PAK2: variants seen among roughly 807,000 people sequenced by gnomAD.
The protein encoded by PAK2 is p21 (RAC1) activated kinase 2, also known as serine/threonine-protein kinase PAK 2.
Under a neutral mutation model 65.9 loss-of-function variants are expected in PAK2, and 21 were observed. The ratio of observed to expected loss-of-function variants is 0.32; its 90% CI spans 0.23 to 0.46. PAK2 has a LOEUF of 0.46. PAK2 is among the 20% of genes least tolerant of loss of function. PAK2 has a pLI of 1.00. For missense variants in PAK2, 324 were observed against 642.6 expected, an observed-to-expected ratio of 0.50 and a Z score of 5.36; for synonymous variants, 204 against 219.7, an observed-to-expected ratio of 0.93 and a Z score of 0.63.
chr3:196,761,828 G>A (rs1713980096), intron 1 of PAK2, among the ~76,000 whole-genome samples: 1 of 96,288 alleles, frequency 1.0e-5, no homozygotes, highest in African/African-American at 4.1e-5. Flanking sequence ...TGGCCGGGCG[G>A]GGGGCTGACC....
At chr3:196,758,484 A>C (rs920008896) in intron 1 of PAK2, among the ~76,000 whole-genome samples, 5 of 152,244 alleles carry the variant, frequency 3.3e-5, no homozygotes, top group African/African-American at 1.2e-4. Flanking sequence ...CAATTAAAGA[A>C]ACAGTAAGAA....
chr3:196,817,156 ATTTTTTTTTTTTTT>A (rs11314877), intron 11 of PAK2, among the ~76,000 whole-genome samples: 4 of 84,766 alleles, frequency 4.7e-5, no homozygotes, highest in Admixed American at 1.5e-4. Flanking sequence ...GAAAGAGGCA[ATTTTTTTTTTTTTT>A]TTTTTTTTTT....
At chr3:196,751,737 ATTTCTTTT>A (rs1439139523) in intron 1 of PAK2, among the ~76,000 whole-genome samples, 1 of 95,584 alleles carries the variant, frequency 1.0e-5, no homozygotes. Flanking sequence ...ACACAAATGA[ATTTCTTTT>A]TTTTTTTTTT....
intron 1 of PAK2, among the ~76,000 whole-genome samples, chr3:196,781,963 G>A (rs966981125): frequency 6.6e-6 from 1 of 152,118 alleles, no homozygotes; most frequent in Non-Finnish European, 1.5e-5. Context: ...AAAATTAGCC[G>A]AAAGTGGTGG....
chr3:196,778,225 T>C (rs914838575), intron 1 of PAK2, among the ~76,000 whole-genome samples: 8 of 152,220 alleles, frequency 5.3e-5, no homozygotes, highest in Non-Finnish European at 2.9e-5. Context: ...CGTGTATCGG[T>C]ACTTCTTTTT....
chr3:196,782,349 T>A lies in PAK2; in HGVS notation c.-21-277T>A, dbSNP rs73074649. Among the ~76,000 whole-genome samples, 608 of 152,192 alleles carry A rather than the reference T, an allele frequency of 4.0e-3. 3 individuals are homozygous for A. Among genetic ancestry groups the A allele is most frequent in the African/African-American group, 0.014 (572 of 41,536 alleles). On this transcript the variant is annotated intron_variant, in intron 1 of 14. Transcript: ENST00000327134. ...TGTCTGTCTTTCTATTGAGAAGGTC[T>A]CTTAGAATCCATTGATTAGACCAGT...
chr3:196,775,079 C>G (rs547660561), intron 1 of PAK2, among the ~76,000 whole-genome samples: 1 of 152,246 alleles, frequency 6.6e-6, no homozygotes, highest in South Asian at 2.1e-4. Context: ...TTATTGAGAT[C>G]TAGTCACTCG....
intron 13 of PAK2, among the ~76,000 whole-genome samples, chr3:196,826,609 T>G (rs1711885040): frequency 6.6e-6 from 1 of 152,112 alleles, no homozygotes; most frequent in Non-Finnish European, 1.5e-5. Context: ...TTTTTAATTA[T>G]TAACATTGTT....
chr3:196,782,852 T>C lies in PAK2; in HGVS notation c.187+19T>C. ...GAGAAAGGTAAATAGCGCTTCTGGC[T>C]TTCAGAGTCTCAGCATTGGTTTATT... On this transcript the variant is annotated intron_variant, in intron 2 of 14. Transcript: ENST00000327134. 1 of 1,546,434 alleles carries C rather than the reference T, an allele frequency of 6.5e-7. No homozygotes were observed. The highest frequency in any genetic ancestry group is 8.9e-7 in the Non-Finnish European group (1 of 1,127,974).
At chr3:196,747,817 C>G (rs1466914162) in intron 1 of PAK2, among the ~76,000 whole-genome samples, 1 of 152,100 alleles carries the variant, frequency 6.6e-6, no homozygotes, top group Non-Finnish European at 1.5e-5. Context: ...TAAAAATCTT[C>G]CTAATCTGCC....
chr3:196,808,385 ACC>A (rs1715656505), intron 7 of PAK2, among the ~76,000 whole-genome samples: 1 of 150,688 alleles, frequency 6.6e-6, no homozygotes, highest in Non-Finnish European at 1.5e-5. Flanking sequence ...GTATGGTGAA[ACC>A]CCTCCTCTAC....
rs1457416595 is a variant in PAK2, at chr3:196,782,691, T to C, written c.45T>C (p.Pro15=). The C allele has an allele frequency of 1.2e-6, 2 of 1,611,630 alleles. No homozygotes were observed. Among genetic ancestry groups the C allele is most frequent in the Non-Finnish European group, 1.7e-6 (2 of 1,178,156 alleles). ...TGGAAGATAAGCCTCCAGCACCTCC[T>C]GTGCGAATGAGCAGCACCATCTTTA... The part of the protein sequence containing the change: ...GELEDKPPAP[P]VRMSSTIFST... Residue 15 remains proline, a synonymous_variant, in exon 2 of 15, where the codon CCT becomes CCC. Coordinates refer to ENST00000327134, the MANE Select transcript of PAK2 (RefSeq NM_002577.4).
intron 2 of PAK2, among the ~76,000 whole-genome samples, chr3:196,786,268 T>C (rs1039912058): frequency 6.6e-6 from 1 of 151,772 alleles, no homozygotes; most frequent in Non-Finnish European, 1.5e-5. Flanking sequence ...GTTCAATCAA[T>C]TCTCCTGCCT....
At chr3:196,827,718 G>A (rs967241613) in intron 14 of PAK2, among the ~76,000 whole-genome samples, 2 of 152,038 alleles carry the variant, frequency 1.3e-5, no homozygotes, top group Admixed American at 6.6e-5. Context: ...AAACCTGCAC[G>A]TTGTGCGCAT....
intron 13 of PAK2, among the ~76,000 whole-genome samples, chr3:196,822,367 G>A (rs1026467021): frequency 1.3e-5 from 2 of 152,182 alleles, no homozygotes; most frequent in African/African-American, 4.8e-5. Flanking sequence ...AGACTGGCAG[G>A]AAGGAGGTTA....
chr3:196,742,149 G>T (rs1385874040), intron 1 of PAK2, among the ~76,000 whole-genome samples: 1 of 146,866 alleles, frequency 6.8e-6, no homozygotes, highest in Non-Finnish European at 1.5e-5. Flanking sequence ...AGGCTGGAGT[G>T]CAATGGTGCG....
At chr3:196,763,744 A>G (rs1321965605) in intron 1 of PAK2, among the ~76,000 whole-genome samples, 1 of 152,058 alleles carries the variant, frequency 6.6e-6, no homozygotes, top group African/African-American at 2.4e-5. Context: ...TCTATTTTCT[A>G]TAGAAAGAAA....
chr3:196,815,554 C>A (rs374647078), intron 11 of PAK2, among the ~76,000 whole-genome samples: 1 of 151,460 alleles, frequency 6.6e-6, no homozygotes, highest in Non-Finnish European at 1.5e-5. Context: ...TTTGGGAGGC[C>A]GAGGCGGGCA....
At chr3:196,808,363 C>A (rs1715655651) in intron 7 of PAK2, among the ~76,000 whole-genome samples, 1 of 151,482 alleles carries the variant, frequency 6.6e-6, no homozygotes, top group South Asian at 2.1e-4. Context: ...GAGATCGAGA[C>A]CATCCTGGCC....
Sources: allele counts gnomAD v4.1 joint callset (sites outside exome capture counted in the v4.1 genomes callset), GRCh38; gene constraint gnomAD v4.1.1; transcripts MANE v1.5; gene names NCBI Gene and HGNC (gene_info 2026-07-23, HGNC 2026-07-21).